The following SGIP1 variants were observed in gnomAD, a reference collection of about 807,000 sequenced individuals.
SGIP1 encodes the protein SH3-containing GRB2-like protein 3-interacting protein 1.
Under a neutral mutation model 107.5 loss-of-function variants are expected in SGIP1, and 38 were observed. The ratio of observed to expected loss-of-function variants is 0.35; its 90% CI spans 0.27 to 0.46. The LOEUF (loss-of-function observed/expected upper bound fraction) is 0.46. Among genes scored for constraint, SGIP1 ranks in the 20% least tolerant of loss-of-function variants. The probability of loss-of-function intolerance (pLI) is 1.00; values close to 1 mark genes in which losing one functional copy is unlikely to be tolerated. For missense variants in SGIP1, 929 were observed against 1,019.5 expected (o/e 0.91, Z 1.21); for synonymous variants, 365 against 366.1 (o/e 1.00, Z 0.03).
At chr1:66,601,684 T>C (rs1275723210) in intron 1 of SGIP1, among the ~76,000 whole-genome samples, 1 of 152,072 alleles carries the variant, frequency 6.6e-6, no homozygotes, top group Non-Finnish European at 1.5e-5. Flanking sequence ...AGAATACAGA[T>C]ACACATATAA....
chr1:66,570,440 T>G (rs2060229558), intron 1 of SGIP1, among the ~76,000 whole-genome samples: 1 of 151,944 alleles, frequency 6.6e-6, no homozygotes, highest in Non-Finnish European at 1.5e-5. Context: ...TTTACAATGT[T>G]AAGCATTTTC....
chr1:66,621,051 G>A (rs1395352361), intron 1 of SGIP1, among the ~76,000 whole-genome samples: 1 of 152,172 alleles, frequency 6.6e-6, no homozygotes, highest in Non-Finnish European at 1.5e-5. Context: ...TCACCATCTA[G>A]TGGGATTAAT....
chr1:66,657,743 C>G (rs904476509), intron 7 of SGIP1, among the ~76,000 whole-genome samples: 7 of 152,116 alleles, frequency 4.6e-5, no homozygotes, highest in African/African-American at 1.7e-4. Flanking sequence ...TACTTTGTAA[C>G]CATTCAATGG....
At position 66,743,144 on chromosome 1, in the gene SGIP1, G is replaced by A. The variant is rs367568761; in HGVS notation, c.*49G>A. ...AGGATTCATATAATGGAGAACTGAT[G>A]TATGAGAAACAGATTTTAATTTTGG... On this transcript the variant is annotated 3_prime_UTR_variant, in exon 25 of 25. Transcript: ENST00000371037. 3.1e-6 allele frequency: 5 copies of A among 1,597,030 alleles called. No homozygotes were observed. Among genetic ancestry groups the A allele is most frequent in the Non-Finnish European group, 4.3e-6 (5 of 1,167,220 alleles).
chr1:66,718,260 A>G (rs2093352153), intron 18 of SGIP1, among the ~76,000 whole-genome samples: 1 of 152,088 alleles, frequency 6.6e-6, no homozygotes, highest in South Asian at 2.1e-4. Context: ...TTTGGCAGGA[A>G]GGGGAAGCAG....
chr1:66,537,284 G>C (rs2053853341), intron 1 of SGIP1, among the ~76,000 whole-genome samples: 1 of 152,110 alleles, frequency 6.6e-6, no homozygotes, highest in African/African-American at 2.4e-5. Context: ...ACATGATCTG[G>C]AGCCTTCTGT....
chr1:66,572,317 A>G (rs970380098), intron 1 of SGIP1, among the ~76,000 whole-genome samples: 2 of 152,080 alleles, frequency 1.3e-5, no homozygotes, highest in Admixed American at 6.6e-5. Context: ...ACTTGTAAAC[A>G]CCACCAACAA....
At chr1:66,741,012 T>G (rs1267692822) in intron 23 of SGIP1, among the ~76,000 whole-genome samples, 1 of 152,200 alleles carries the variant, frequency 6.6e-6, no homozygotes, top group Admixed American at 6.5e-5. Flanking sequence ...TTCACTCTCC[T>G]CAGATATTAA....
At chr1:66,686,859 C>G (rs767909264) in intron 15 of SGIP1, among the ~76,000 whole-genome samples, 65 of 152,310 alleles carry the variant, frequency 4.3e-4, no homozygotes, top group Admixed American at 7.2e-4. Context: ...TCAAAAAACA[C>G]AATCTTAATC....
intron 7 of SGIP1, 114 bp downstream of exon 7, chr1:66,643,833 C>T: frequency 1.1e-6 from 1 of 884,246 alleles, no homozygotes; most frequent in Non-Finnish European, 1.6e-6. Flanking sequence ...CATATGGTCA[C>T]CATATCATGA....
intron 1 of SGIP1, among the ~76,000 whole-genome samples, chr1:66,617,513 C>G (rs914796231): frequency 2.0e-5 from 3 of 152,160 alleles, no homozygotes; most frequent in Admixed American, 6.5e-5. Flanking sequence ...TATAGCCAGT[C>G]TAGAGTTGCT....
chr1:66,749,411 T>C lies in SGIP1; in HGVS notation c.*6316T>C, dbSNP rs571472415. ...ACTGTTTAGCACAGATTTTGTGAGA[T>C]TCTATACTCTTTTAATGAGCATTTC... is the stretch of plus-strand genomic sequence containing the variant. On this transcript the variant is annotated 3_prime_UTR_variant, in exon 25 of 25. Coordinates refer to ENST00000371037, the MANE Select transcript of SGIP1 (RefSeq NM_032291.4). 6.6e-5 allele frequency among the ~76,000 whole-genome samples: 10 copies of C among 151,914 alleles called. No homozygotes were observed. The highest frequency in any genetic ancestry group is 2.2e-4 in the African/African-American group (9 of 41,494).
At chr1:66,722,807 T>C (rs933795933) in intron 19 of SGIP1, among the ~76,000 whole-genome samples, 1 of 152,200 alleles carries the variant, frequency 6.6e-6, no homozygotes, top group Admixed American at 6.5e-5. Context: ...CAATACACTA[T>C]GACAGGCGTG....
intron 17 of SGIP1, chr1:66,695,091 A>G: frequency 2.3e-6 from 1 of 430,758 alleles, no homozygotes; most frequent in Non-Finnish European, 4.0e-6. Context: ...CAATTGCTGA[A>G]TGACAGTTTG....
At chr1:66,617,294 T>A (rs1053273190) in intron 1 of SGIP1, among the ~76,000 whole-genome samples, 1 of 151,558 alleles carries the variant, frequency 6.6e-6, no homozygotes, top group Non-Finnish European at 1.5e-5. Flanking sequence ...CAGTAGTCTA[T>A]CCACGGGAAA....
At chr1:66,621,095 G>C (rs2070963903) in intron 1 of SGIP1, among the ~76,000 whole-genome samples, 1 of 152,164 alleles carries the variant, frequency 6.6e-6, no homozygotes, top group Admixed American at 6.5e-5. Context: ...CAGATCAAAG[G>C]AGCAAGCATC....
intron 1 of SGIP1, among the ~76,000 whole-genome samples, chr1:66,595,213 A>T (rs918244766): frequency 1.3e-5 from 2 of 152,178 alleles, no homozygotes; most frequent in Admixed American, 1.3e-4. Context: ...CTCTGTTAAC[A>T]CCACTGTTAA....
chr1:66,605,585 C>T (rs1393196804), intron 1 of SGIP1, among the ~76,000 whole-genome samples: 1 of 151,526 alleles, frequency 6.6e-6, no homozygotes, highest in Non-Finnish European at 1.5e-5. Context: ...TGTCACAAAA[C>T]TACTGCGCTA....
intron 1 of SGIP1, among the ~76,000 whole-genome samples, chr1:66,545,852 TCTCTTTTA>T (rs2056266655): frequency 6.6e-6 from 1 of 152,118 alleles, no homozygotes; most frequent in South Asian, 2.1e-4. Flanking sequence ...TAATTACTAT[TCTCTTTTA>T]GGCATAGCAC....
Sources: allele counts gnomAD v4.1 joint callset (sites outside exome capture counted in the v4.1 genomes callset), GRCh38; gene constraint gnomAD v4.1.1; transcripts MANE v1.5; gene names NCBI Gene and HGNC (gene_info 2026-07-23, HGNC 2026-07-21).